Variants in BABAM2 observed in about 807,000 individuals in gnomAD.
BABAM2 encodes the protein BRISC and BRCA1 A complex member 2, also known as BRISC and BRCA1-A complex member 2.
Under a neutral mutation model 54.7 loss-of-function variants are expected in BABAM2, and 31 were observed. That is an observed-to-expected ratio of 0.57 (90% confidence interval 0.43 to 0.77). The LOEUF (loss-of-function observed/expected upper bound fraction) is 0.77. BABAM2 is among the 30% of genes least tolerant of loss of function. The pLI, the probability that BABAM2 is intolerant of heterozygous loss-of-function variation, is 0.00. For synonymous variants in BABAM2, 167 were observed against 162.9 expected (o/e 1.03, Z -0.19); for missense variants, 364 against 455.8 (o/e 0.80, Z 1.83).
intron 2 of BABAM2, among the ~76,000 whole-genome samples, chr2:27,913,360 A>G (rs1252824921): frequency 2.0e-5 from 3 of 152,184 alleles, no homozygotes; most frequent in Admixed American, 6.6e-5. Flanking sequence ...AGATTTCTGC[A>G]TTCTAACAGT....
intron 10 of BABAM2, among the ~76,000 whole-genome samples, chr2:28,276,007 C>CAAA (rs534951884): frequency 1.5e-4 from 17 of 110,960 alleles, no homozygotes; most frequent in African/African-American, 5.5e-4. Context: ...ATTTTTATCT[C>CAAA]AAAAAAAAAA....
intron 6 of BABAM2, among the ~76,000 whole-genome samples, chr2:28,067,753 TG>T (rs990521213): frequency 6.6e-6 from 1 of 152,174 alleles, no homozygotes; most frequent in Non-Finnish European, 1.5e-5. Context: ...AGGAGGCTAC[TG>T]GAACTAGAAA....
intron 7 of BABAM2, among the ~76,000 whole-genome samples, chr2:28,167,261 T>TA (rs1673777244): frequency 3.3e-5 from 5 of 152,216 alleles, no homozygotes; most frequent in African/African-American, 1.2e-4. Context: ...AAGAAGGGAC[T>TA]TGGTGACCAA....
At chr2:28,016,253 C>T in intron 4 of BABAM2, 2 of 902,920 alleles carry the variant, frequency 2.2e-6, no homozygotes, top group Admixed American at 4.1e-5. Context: ...CAATTTCCCC[C>T]TGTGTTTTTC....
At chr2:28,022,358 G>A (rs892345007) in intron 4 of BABAM2, among the ~76,000 whole-genome samples, 1 of 152,174 alleles carries the variant, frequency 6.6e-6, no homozygotes, top group Non-Finnish European at 1.5e-5. Flanking sequence ...ATTCTACACA[G>A]TCTCAATTAT....
intron 6 of BABAM2, among the ~76,000 whole-genome samples, chr2:28,124,804 T>C (rs1301009843): frequency 6.6e-6 from 1 of 152,144 alleles, no homozygotes; most frequent in African/African-American, 2.4e-5. Flanking sequence ...TCCAGAGGTA[T>C]TGCAAATCTA....
chr2:27,981,400 T>C (rs1350855482), intron 3 of BABAM2, among the ~76,000 whole-genome samples: 1 of 152,176 alleles, frequency 6.6e-6, no homozygotes, highest in Non-Finnish European at 1.5e-5. Flanking sequence ...AAGTATACAA[T>C]TCAGTGGCTT....
chr2:28,321,240 G>A (rs1689996896), intron 11 of BABAM2, among the ~76,000 whole-genome samples: 1 of 152,206 alleles, frequency 6.6e-6, no homozygotes. Context: ...GGTCACTGGA[G>A]AGAAACAGAG....
At chr2:28,279,352 A>G (rs961389442) in intron 10 of BABAM2, among the ~76,000 whole-genome samples, 1 of 152,202 alleles carries the variant, frequency 6.6e-6, no homozygotes, top group Non-Finnish European at 1.5e-5. Context: ...AGGGCCATCC[A>G]TCTTGTGAGC....
intron 7 of BABAM2, among the ~76,000 whole-genome samples, chr2:28,178,698 G>GGT (rs1158572890): frequency 5.9e-4 from 3 of 5,118 alleles, no homozygotes; most frequent in Admixed American, 2.8e-3. Flanking sequence ...ATAAAACAAA[G>GGT]GTTTTTTTTT....
chr2:28,060,996 A>T (rs988907877), intron 6 of BABAM2, among the ~76,000 whole-genome samples: 2 of 152,224 alleles, frequency 1.3e-5, no homozygotes, highest in Non-Finnish European at 2.9e-5. Context: ...TTATTTTGAA[A>T]TACCAAGGAC....
chr2:27,917,311 C>T (rs967105049), intron 2 of BABAM2, among the ~76,000 whole-genome samples: 3 of 152,110 alleles, frequency 2.0e-5, no homozygotes, highest in South Asian at 2.1e-4. Context: ...CCACCACGCC[C>T]GGCCCAAAGT....
chr2:27,990,849 G>T (rs535743033), intron 4 of BABAM2, among the ~76,000 whole-genome samples: 1 of 151,266 alleles, frequency 6.6e-6, no homozygotes, highest in Non-Finnish European at 1.5e-5. Flanking sequence ...AAATCAAATC[G>T]TTTCTGGGGA....
intron 6 of BABAM2, among the ~76,000 whole-genome samples, chr2:28,057,083 T>A (rs1422579521): frequency 6.6e-6 from 1 of 152,258 alleles, no homozygotes; most frequent in Non-Finnish European, 1.5e-5. Context: ...TTTCCAAATA[T>A]GTCGCAGGTT....
chr2:27,985,058 TG>T (rs1338261993), intron 3 of BABAM2, among the ~76,000 whole-genome samples: 38 of 2,442 alleles, frequency 0.016, no homozygotes, highest in South Asian at 0.089. Context: ...TATTCCATGA[TG>T]TGTGTGTGTG....
intron 7 of BABAM2, among the ~76,000 whole-genome samples, chr2:28,191,153 T>C (rs953680068): frequency 3.3e-5 from 5 of 152,100 alleles, no homozygotes; most frequent in Admixed American, 3.3e-4. Context: ...GGCAAAAGAT[T>C]TGAACAAATA....
At position 28,189,968 on chromosome 2, in the gene BABAM2, A is replaced by G. The variant is rs557590193; in HGVS notation, c.681-47234A>G. Among the ~76,000 whole-genome samples the G allele has an allele frequency of 6.5e-4, 99 of 152,328 alleles. No homozygotes were observed. In the South Asian group the frequency reaches 0.014, roughly 22 times the overall value. ...TAGATAAATGAAACTGAATTTGATA[A>G]TGAGTCCAGAAATAGACCCACACAT... On this transcript the variant is annotated intron_variant, in intron 7 of 11. Transcript: ENST00000379624.
chr2:28,330,987 G>T (rs968584076), intron 11 of BABAM2, among the ~76,000 whole-genome samples: 13 of 152,100 alleles, frequency 8.5e-5, no homozygotes, highest in African/African-American at 2.7e-4. Context: ...CAAACCAGTG[G>T]AACAGGATAG....
chr2:28,224,049 G>A (rs1203621236), intron 7 of BABAM2, among the ~76,000 whole-genome samples: 1 of 152,148 alleles, frequency 6.6e-6, no homozygotes, highest in Admixed American at 6.5e-5. Flanking sequence ...TGAAGAAGAG[G>A]CTATTTCCCA....
Sources: allele counts gnomAD v4.1 joint callset (sites outside exome capture counted in the v4.1 genomes callset), GRCh38; gene constraint gnomAD v4.1.1; transcripts MANE v1.5; gene names NCBI Gene and HGNC (gene_info 2026-07-23, HGNC 2026-07-21).